ERBB4: variants seen among roughly 807,000 people sequenced by gnomAD.
The protein encoded by ERBB4 is receptor tyrosine-protein kinase erbB-4.
In ERBB4, 42 loss-of-function variants were observed where a neutral mutation model predicts 158.0. The ratio of observed to expected loss-of-function variants is 0.27; its 90% CI spans 0.21 to 0.34. The LOEUF (loss-of-function observed/expected upper bound fraction) is 0.34, where lower values mean the gene tolerates loss of function less well. ERBB4 is among the 10% of genes least tolerant of loss of function. The pLI is 1.00. For synonymous variants in ERBB4, 583 were observed against 558.7 expected (o/e 1.04, Z -0.61); for missense variants, 1,333 against 1,624.1 (o/e 0.82, Z 3.08).
At chr2:211,409,620 C>T (rs2063217190) in intron 25 of ERBB4, among the ~76,000 whole-genome samples, 1 of 152,164 alleles carries the variant, frequency 6.6e-6, no homozygotes, top group African/African-American at 2.4e-5. Context: ...AGCAGGGGCT[C>T]TGGCTTCTCA....
intron 1 of ERBB4, among the ~76,000 whole-genome samples, chr2:212,425,434 A>ATG (rs1336105694): frequency 2.1e-4 from 32 of 149,778 alleles, no homozygotes; most frequent in Middle Eastern, 3.7e-3. Context: ...ATGTATCCTT[A>ATG]TATATTTATA....
chr2:211,944,868 GA>G (rs2080635578), intron 3 of ERBB4, among the ~76,000 whole-genome samples: 1 of 152,028 alleles, frequency 6.6e-6, no homozygotes, highest in Non-Finnish European at 1.5e-5. Flanking sequence ...GGTCCATTAA[GA>G]ATGGAGTTAA....
intron 19 of ERBB4, among the ~76,000 whole-genome samples, chr2:211,574,168 C>G (rs184000069): frequency 9.2e-5 from 14 of 152,264 alleles, no homozygotes; most frequent in African/African-American, 3.4e-4. Flanking sequence ...GGTGAGTGGT[C>G]ACTTTGATCT....
intron 2 of ERBB4, among the ~76,000 whole-genome samples, chr2:212,015,830 G>A (rs1241305980): frequency 6.6e-6 from 1 of 152,124 alleles, no homozygotes; most frequent in Non-Finnish European, 1.5e-5. Flanking sequence ...AGTACTTGAG[G>A]CCCTTTGACC....
chr2:211,733,067 G>A (rs572222657), intron 5 of ERBB4, among the ~76,000 whole-genome samples: 31 of 152,232 alleles, frequency 2.0e-4, no homozygotes, highest in African/African-American at 7.2e-4. Flanking sequence ...GGTGACCCAC[G>A]GACTATGACA....
chr2:212,059,139 C>T (rs2077677320), intron 2 of ERBB4, among the ~76,000 whole-genome samples: 3 of 152,276 alleles, frequency 2.0e-5, no homozygotes, highest in East Asian at 3.9e-4. Flanking sequence ...CATTCCTATA[C>T]ACCAATAACA....
At chr2:211,775,191 G>T (rs2075842022) in intron 4 of ERBB4, among the ~76,000 whole-genome samples, 1 of 152,152 alleles carries the variant, frequency 6.6e-6, no homozygotes, top group Non-Finnish European at 1.5e-5. Flanking sequence ...AGGCTCAGTA[G>T]GGTTGTCACT....
intron 19 of ERBB4, among the ~76,000 whole-genome samples, chr2:211,614,349 T>G (rs1005961219): frequency 2.0e-5 from 3 of 152,068 alleles, no homozygotes; most frequent in African/African-American, 7.2e-5. Flanking sequence ...GCCTACTATT[T>G]GATAGCACAA....
intron 1 of ERBB4, among the ~76,000 whole-genome samples, chr2:212,181,590 C>G (rs2081866458): frequency 6.6e-6 from 1 of 151,694 alleles, no homozygotes; most frequent in Admixed American, 6.6e-5. Flanking sequence ...ACTCATTCAG[C>G]AGAAATCTTC....
chr2:212,419,899 C>A (rs2091754890), intron 1 of ERBB4, among the ~76,000 whole-genome samples: 1 of 151,892 alleles, frequency 6.6e-6, no homozygotes, highest in South Asian at 2.1e-4. Context: ...ATATTTTCTA[C>A]TTTAAAATAT....
At chr2:212,210,969 T>C (rs1292995267) in intron 1 of ERBB4, among the ~76,000 whole-genome samples, 1 of 152,152 alleles carries the variant, frequency 6.6e-6, no homozygotes, top group Non-Finnish European at 1.5e-5. Context: ...CCTCTGCCTT[T>C]GCATTTGTGT....
At chr2:211,638,639 A>T (rs1238366551) in intron 16 of ERBB4, among the ~76,000 whole-genome samples, 5 of 152,118 alleles carry the variant, frequency 3.3e-5, no homozygotes, top group Admixed American at 1.3e-4. Flanking sequence ...GCAAATTTGA[A>T]TGTTTTTTGA....
chr2:211,568,437 C>T (rs1005550726), intron 19 of ERBB4, among the ~76,000 whole-genome samples: 5 of 152,056 alleles, frequency 3.3e-5, no homozygotes, highest in Non-Finnish European at 5.9e-5. Context: ...ATTCAGCTAT[C>T]GTTTTGCACA....
intron 20 of ERBB4, among the ~76,000 whole-genome samples, chr2:211,494,693 C>T (rs139694207): frequency 6.6e-6 from 1 of 152,024 alleles, no homozygotes; most frequent in African/African-American, 2.4e-5. Flanking sequence ...TTTTAAAAGG[C>T]GTTTGTTGTG....
rs1478346259 is a variant in ERBB4 at position 211,928,982 on chromosome 2, G to T, written c.421+18448C>A. ...CTATTTTAATTACTCCCATTTAGTA[G>T]GAAAATATATATGTCTCCTAATAGT... On this transcript the variant is annotated intron_variant, in intron 3 of 27. Transcript: ENST00000342788. 3.9e-5 allele frequency among the ~76,000 whole-genome samples: 6 copies of T among 152,156 alleles called. No individual in the cohort carries two copies. In the East Asian group the frequency reaches 1.2e-3, roughly 29 times the overall value.
chr2:211,770,694 T>C (rs1177771910), intron 4 of ERBB4, among the ~76,000 whole-genome samples: 1 of 152,140 alleles, frequency 6.6e-6, no homozygotes, highest in Non-Finnish European at 1.5e-5. Flanking sequence ...CAGCTCTTCA[T>C]TGGAAGCCAA....
chr2:212,483,748 T>C (rs190853148), intron 1 of ERBB4, among the ~76,000 whole-genome samples: 2 of 152,080 alleles, frequency 1.3e-5, no homozygotes, highest in African/African-American at 2.4e-5. Flanking sequence ...ATCATGGTCT[T>C]TTTTTTGAGA....
chr2:211,636,584 C>T (rs775220189), intron 16 of ERBB4, among the ~76,000 whole-genome samples: 3 of 151,828 alleles, frequency 2.0e-5, no homozygotes, highest in Admixed American at 6.6e-5. Flanking sequence ...TTATGCCAGT[C>T]TAATAATCAA....
intron 2 of ERBB4, among the ~76,000 whole-genome samples, chr2:211,981,226 G>A (rs1253672927): frequency 6.6e-6 from 1 of 152,108 alleles, no homozygotes; most frequent in East Asian, 1.9e-4. Context: ...AGAGCACCAC[G>A]TGCTAGCAGT....
Sources: allele counts gnomAD v4.1 joint callset (sites outside exome capture counted in the v4.1 genomes callset), GRCh38; gene constraint gnomAD v4.1.1; transcripts MANE v1.5; gene names NCBI Gene and HGNC (gene_info 2026-07-23, HGNC 2026-07-21).